PDSS2: variants seen among roughly 807,000 people sequenced by gnomAD.
PDSS2 encodes the protein all trans-polyprenyl-diphosphate synthase PDSS2.
Under a neutral mutation model 44.5 loss-of-function variants are expected in PDSS2, and 31 were observed. The ratio of observed to expected loss-of-function variants is 0.70; its 90% CI spans 0.52 to 0.94. The LOEUF (loss-of-function observed/expected upper bound fraction) is 0.94. Among genes scored for constraint, PDSS2 ranks in the 40% least tolerant of loss-of-function variants. The probability of loss-of-function intolerance (pLI) is 0.00; values close to 1 mark genes in which losing one functional copy is unlikely to be tolerated. For synonymous variants in PDSS2, 157 were observed against 180.3 expected, an observed-to-expected ratio of 0.87 and a Z score of 1.03; for missense variants, 452 against 482.2, an observed-to-expected ratio of 0.94 and a Z score of 0.59.
chr6:107,450,514 T>G (rs772800462), intron 1 of PDSS2, among the ~76,000 whole-genome samples: 1 of 152,008 alleles, frequency 6.6e-6, no homozygotes, highest in Non-Finnish European at 1.5e-5. Flanking sequence ...CATTCTCCAC[T>G]CCAAAAACCA....
At chr6:107,304,569 T>C (rs777601829) in intron 2 of PDSS2, among the ~76,000 whole-genome samples, 5 of 152,190 alleles carry the variant, frequency 3.3e-5, no homozygotes, top group Non-Finnish European at 7.3e-5. Flanking sequence ...GCTCAGCTAC[T>C]CTCAGTGCCC....
chr6:107,433,259 GA>G (rs35444996), intron 1 of PDSS2, among the ~76,000 whole-genome samples: 19 of 146,328 alleles, frequency 1.3e-4, no homozygotes, highest in African/African-American at 3.5e-4. Flanking sequence ...CACAGAAACA[GA>G]AAAAAAAAAA....
intron 2 of PDSS2, among the ~76,000 whole-genome samples, chr6:107,326,878 C>G (rs1284477976): frequency 6.6e-6 from 1 of 151,672 alleles, no homozygotes; most frequent in Admixed American, 6.6e-5. Flanking sequence ...AGTTGTTTTA[C>G]AGATAGAATT....
chr6:107,429,900 AAATATATAT>A (rs1268314747), intron 1 of PDSS2, among the ~76,000 whole-genome samples: 5 of 42,324 alleles, frequency 1.2e-4, no homozygotes, highest in Admixed American at 5.3e-4. Flanking sequence ...AAAAAAAAAA[AAATATATAT>A]ATATATATAT....
chr6:107,192,367 C>A, intron 7 of PDSS2: 2 of 514,000 alleles, frequency 3.9e-6, no homozygotes, highest in South Asian at 1.4e-5. Flanking sequence ...GCTGCAGAGT[C>A]TGAGACCCCA....
At chr6:107,228,719 TAAACAAACAAAC>T (rs71803225) in intron 4 of PDSS2, among the ~76,000 whole-genome samples, 1,367 of 135,400 alleles carry the variant, frequency 0.01, 21 homozygotes, top group African/African-American at 0.036. Flanking sequence ...AATAAATAAA[TAAACAAACAAAC>T]AAACAAACAA....
Position 107,212,351 on chromosome 6 carries a change from A to G in PDSS2, c.703-69T>C, listed in dbSNP as rs547762297. On this transcript the variant is annotated intron_variant, in intron 4 of 7. Transcript: ENST00000369037. ...AATTTAATTGTTTCTGTTTTTGAAGAATAAAAAAGTTAAGAAACGAACTAT... is the reference window on the plus strand; with the variant it reads ...AATTTAATTGTTTCTGTTTTTGAAGGATAAAAAAGTTAAGAAACGAACTAT... The G allele has an allele frequency of 5.3e-6, 7 of 1,317,780 alleles. No individual in the cohort carries two copies. In the Admixed American group the frequency reaches 1.3e-4, roughly 25 times the overall value. 81.6% of individuals were successfully genotyped at this position (1,317,780 alleles called of 1,614,324 possible). A position where few individuals can be genotyped will look rare whatever the true frequency, so the allele number is the denominator to read the frequency against.
intron 1 of PDSS2, among the ~76,000 whole-genome samples, chr6:107,364,402 T>C (rs916099296): frequency 2.0e-5 from 3 of 151,470 alleles, no homozygotes; most frequent in Admixed American, 6.5e-5. Flanking sequence ...GGAAGGCAGC[T>C]AAGGCCCGGC....
rs73511179 is a variant in PDSS2, at chr6:107,321,254, T to C, written c.431+12944A>G. Among the ~76,000 whole-genome samples, 1,015 of 152,236 alleles carry C rather than the reference T, an allele frequency of 6.7e-3. 11 individuals carry two copies. The highest frequency in any genetic ancestry group is 0.024 in the African/African-American group (990 of 41,520). On this transcript the variant is annotated intron_variant, in intron 2 of 7. Transcript: ENST00000369037. ...AAATCTAGCAGAGGGACAAGATAAA[T>C]ATGCAGATTACTATAAAATAGACGA...
intron 6 of PDSS2, among the ~76,000 whole-genome samples, chr6:107,207,106 C>T (rs1170411981): frequency 6.6e-6 from 1 of 151,932 alleles, no homozygotes; most frequent in East Asian, 1.9e-4. Context: ...GATTCTCCTG[C>T]CTTAGCCTCC....
At position 107,459,267 on chromosome 6, in the gene PDSS2, G is replaced by C. The variant is rs1457387841; in HGVS notation, c.19C>G (p.Leu7Val). The part of the protein sequence containing the change: MNFRQL[L>V]LHLPRYLGAS... Reference sequence around the variant, plus strand: ...CCAAGATAACGTGGCAAGTGCAACAGCAGCTGCCGAAAGTTCATGGTTTGA... The same window carrying C: ...CCAAGATAACGTGGCAAGTGCAACACCAGCTGCCGAAAGTTCATGGTTTGA... The change falls in exon 1 of 8, where the codon CTG becomes GTG. Residue 7 changes from leucine to valine, a missense_variant. By Grantham distance (32) the Leu-to-Val change is conservative. Transcript: ENST00000369037. This position sits in a 1 kb window ranked among gnomAD's most constrained non-coding sequence, Gnocchi z 4.3. 4 of 1,614,136 alleles carry C rather than the reference G, an allele frequency of 2.5e-6. No homozygotes were observed. The highest frequency in any genetic ancestry group is 3.4e-6 in the Non-Finnish European group (4 of 1,180,034).
intron 2 of PDSS2, among the ~76,000 whole-genome samples, chr6:107,278,563 T>C (rs1044020892): frequency 4.6e-5 from 7 of 152,148 alleles, no homozygotes; most frequent in African/African-American, 1.7e-4. Flanking sequence ...TTTGGACAAG[T>C]TTTTCATGCA....
Position 107,285,862 on chromosome 6 carries a change from G to C in PDSS2, c.432-11635C>G, listed in dbSNP as rs946490796. On this transcript the variant is annotated intron_variant, in intron 2 of 7. Transcript: ENST00000369037. ...CAAAGAAAACAAAGGATAGGGGGCT[G>C]GGCGCACTGGCTCATGCCTGTAATC... is the stretch of plus-strand genomic sequence containing the variant. 3.0e-4 allele frequency among the ~76,000 whole-genome samples: 45 copies of C among 152,188 alleles called. 1 individual carries two copies. Among genetic ancestry groups the C allele is most frequent in the Admixed American group, 1.3e-4 (2 of 15,278 alleles).
chr6:107,155,432 C>A (rs1770851951), intron 7 of PDSS2, among the ~76,000 whole-genome samples: 1 of 151,742 alleles, frequency 6.6e-6, no homozygotes, highest in Non-Finnish European at 1.5e-5. Flanking sequence ...CAGGTGTGAG[C>A]CACCGCACCT....
intron 1 of PDSS2, among the ~76,000 whole-genome samples, chr6:107,381,103 C>A (rs1583015341): frequency 6.6e-6 from 1 of 152,092 alleles, no homozygotes; most frequent in Non-Finnish European, 1.5e-5. Flanking sequence ...ATAATGGGAG[C>A]CTTGTTTGCC....
At chr6:107,392,100 T>C (rs1481610452) in intron 1 of PDSS2, among the ~76,000 whole-genome samples, 1 of 152,192 alleles carries the variant, frequency 6.6e-6, no homozygotes, top group East Asian at 1.9e-4. Flanking sequence ...TAGACTCTTC[T>C]ATTATTAAAA....
In PDSS2 at chr6:107,239,563, A is replaced by C. The variant is rs57400551; in HGVS notation, c.702+5985T>G. ...TGATTCATTTCTGGGGAATGGTTTT[A>C]TAAAATAATTTTTATTTTCCTCTTG... On this transcript the variant is annotated intron_variant, in intron 4 of 7. Transcript: ENST00000369037. Among the ~76,000 whole-genome samples the C allele has an allele frequency of 3.9e-3, 596 of 151,602 alleles. 8 individuals carry two copies. The East Asian group carries it at 0.049, about 12-fold the overall frequency.
At chr6:107,399,290 A>G (rs961751562) in intron 1 of PDSS2, among the ~76,000 whole-genome samples, 3 of 152,316 alleles carry the variant, frequency 2.0e-5, no homozygotes, top group African/African-American at 7.2e-5. Flanking sequence ...TTCCCCCAGG[A>G]AACAGCCCAT....
intron 7 of PDSS2, among the ~76,000 whole-genome samples, chr6:107,157,758 C>T (rs1554245940): frequency 2.0e-5 from 3 of 151,884 alleles, no homozygotes; most frequent in African/African-American, 7.3e-5. Flanking sequence ...GCAACCTCTG[C>T]CTCCCAGGTT....
Sources: gnomAD v4.1 joint callset for allele counts (sites outside exome capture counted in the v4.1 genomes callset) on GRCh38, gnomAD v4.1.1 for gene constraint, Gnocchi (gnomAD v3.1) non-coding constraint, MANE v1.5 for transcripts, NCBI Gene and HGNC (gene_info 2026-07-23, HGNC 2026-07-21) for gene names.